THSD4: variants seen among roughly 807,000 people sequenced by gnomAD.
The protein encoded by THSD4 is thrombospondin type 1 domain containing 4.
Under a neutral mutation model 119.0 loss-of-function variants are expected in THSD4, and 69 were observed. The ratio of observed to expected loss-of-function variants is 0.58; its 90% CI spans 0.48 to 0.71. THSD4 has a LOEUF of 0.71. Ranked by LOEUF, THSD4 falls within the 30% of genes least tolerant of loss-of-function variation. THSD4 has a pLI of 0.00. For missense variants in THSD4, 1,393 were observed against 1,391.1 expected, an observed-to-expected ratio of 1.00 and a Z score of -0.02; for synonymous variants, 524 against 540.4, an observed-to-expected ratio of 0.97 and a Z score of 0.42.
At chr15:71,630,805 G>C (rs1441924751) in intron 7 of THSD4, among the ~76,000 whole-genome samples, 2 of 152,198 alleles carry the variant, frequency 1.3e-5, no homozygotes, top group Non-Finnish European at 2.9e-5. Context: ...TTCAACAGCA[G>C]CACTATTCAC....
chr15:71,434,903 G>C (rs955826462), intron 7 of THSD4, among the ~76,000 whole-genome samples: 2 of 152,150 alleles, frequency 1.3e-5, no homozygotes, highest in Admixed American at 1.3e-4. Context: ...GATTCTGAAT[G>C]CAAATCAATA....
intron 6 of THSD4, among the ~76,000 whole-genome samples, chr15:71,407,305 TTTGCTGCTTTTA>T (rs1280218331): frequency 1.3e-5 from 2 of 152,212 alleles, no homozygotes; most frequent in Non-Finnish European, 2.9e-5. Context: ...GCTGCGTAGC[TTTGCTGCTTTTA>T]TTGCTGCTTA....
chr15:71,614,491 C>T (rs2050288654), intron 7 of THSD4, among the ~76,000 whole-genome samples: 1 of 152,180 alleles, frequency 6.6e-6, no homozygotes, highest in Non-Finnish European at 1.5e-5. Context: ...ATTTATCTCA[C>T]CTATCCCCGA....
intron 6 of THSD4, among the ~76,000 whole-genome samples, chr15:71,352,995 C>T (rs10459646): frequency 6.6e-6 from 1 of 152,028 alleles, no homozygotes; most frequent in Non-Finnish European, 1.5e-5. Context: ...GTAGGTGGGA[C>T]GATTGGGAGA....
chr15:71,171,013 A>C (rs2043355821), intron 3 of THSD4, among the ~76,000 whole-genome samples: 1 of 152,156 alleles, frequency 6.6e-6, no homozygotes, highest in Non-Finnish European at 1.5e-5. Context: ...GGAAAAATAG[A>C]ATTTAAAAAA....
intron 7 of THSD4, among the ~76,000 whole-genome samples, chr15:71,497,862 G>C (rs2048050565): frequency 6.6e-6 from 1 of 152,084 alleles, no homozygotes. Context: ...AAAAATAAAT[G>C]GGCTTGATGC....
chr15:71,387,185 C>T (rs1283693718), intron 6 of THSD4, among the ~76,000 whole-genome samples: 1 of 151,092 alleles, frequency 6.6e-6, no homozygotes, highest in African/African-American at 2.5e-5. Flanking sequence ...AAACTACCTG[C>T]TAGGCATAAC....
intron 6 of THSD4, among the ~76,000 whole-genome samples, chr15:71,362,970 T>A (rs1362388948): frequency 7.4e-6 from 1 of 135,018 alleles, no homozygotes; most frequent in Non-Finnish European, 1.6e-5. Context: ...GCTGATGAGC[T>A]AAAAAAAAAA....
chr15:71,654,691 C>A (rs886360100), intron 7 of THSD4, among the ~76,000 whole-genome samples: 4 of 152,296 alleles, frequency 2.6e-5, no homozygotes, highest in Admixed American at 6.5e-5. Context: ...TGCATTTCCA[C>A]GAATTAGCTC....
At chr15:71,302,824 A>G (rs1186568541) in intron 6 of THSD4, among the ~76,000 whole-genome samples, 1 of 151,804 alleles carries the variant, frequency 6.6e-6, no homozygotes, top group Non-Finnish European at 1.5e-5. Context: ...TTCCAACACC[A>G]TGGCCCCCAA....
At chr15:71,247,226 G>GT (rs1378058003) in intron 5 of THSD4, among the ~76,000 whole-genome samples, 3 of 138,188 alleles carry the variant, frequency 2.2e-5, no homozygotes, top group Admixed American at 7.2e-5. Context: ...TATTTTTGTT[G>GT]TTTTTTTGTT....
In THSD4 at chr15:71,390,648, G is replaced by T. The variant is rs190071553; in HGVS notation, c.1016-21039G>T. Among the ~76,000 whole-genome samples the T allele has an allele frequency of 1.4e-3, 216 of 152,206 alleles. 2 individuals carry two copies. Among genetic ancestry groups the T allele is most frequent in the Non-Finnish European group, 2.4e-3 (163 of 67,994 alleles). ...GCATTTGTCAGAGCTCTGCCCTGAG[G>T]AGTAGTTTACCATATTGAGTTACCT... is the stretch of plus-strand genomic sequence containing the variant. On this transcript the variant is annotated intron_variant, in intron 6 of 17. Transcript: ENST00000261862.
intron 3 of THSD4, among the ~76,000 whole-genome samples, chr15:71,176,096 C>T (rs1411187337): frequency 6.9e-6 from 1 of 144,942 alleles, no homozygotes; most frequent in East Asian, 2.1e-4. Flanking sequence ...GCAAAATCAC[C>T]AGCTAACATC....
At chr15:71,510,429 G>A (rs1056524752) in intron 7 of THSD4, among the ~76,000 whole-genome samples, 3 of 152,296 alleles carry the variant, frequency 2.0e-5, no homozygotes, top group African/African-American at 4.8e-5. Flanking sequence ...ATAAATGCAC[G>A]GACATAGAAT....
At chr15:71,435,438 A>G (rs1595764279) in intron 7 of THSD4, among the ~76,000 whole-genome samples, 1 of 152,198 alleles carries the variant, frequency 6.6e-6, no homozygotes, top group South Asian at 2.1e-4. Context: ...ATAGGTACCA[A>G]TAAGATAGTT....
chr15:71,195,646 T>A (rs1364206939), intron 3 of THSD4, among the ~76,000 whole-genome samples: 1 of 152,056 alleles, frequency 6.6e-6, no homozygotes, highest in Admixed American at 6.5e-5. Context: ...ATCCTTCTGG[T>A]ACTGAGGATC....
At chr15:71,323,241 G>C (rs1341143363) in intron 6 of THSD4, among the ~76,000 whole-genome samples, 1 of 152,112 alleles carries the variant, frequency 6.6e-6, no homozygotes, top group African/African-American at 2.4e-5. Flanking sequence ...CCAAAAGCAT[G>C]GATACTAGAA....
Position 71,291,615 on chromosome 15 carries a change from C to T in THSD4, c.1015+34900C>T, listed in dbSNP as rs184688854. ...GATGCCCACCCACCTTGAGGAGGGC[C>T]GTCTGCTTTATTCAGTCTACTGATT... On this transcript the variant is annotated intron_variant, in intron 6 of 17. Transcript: ENST00000261862. Among the ~76,000 whole-genome samples the T allele has an allele frequency of 9.2e-5, 14 of 152,238 alleles. No homozygotes were observed. The East Asian group carries it at 2.3e-3, about 25-fold the overall frequency.
chr15:71,335,784 G>C (rs2045482723), intron 6 of THSD4, among the ~76,000 whole-genome samples: 1 of 152,132 alleles, frequency 6.6e-6, no homozygotes, highest in South Asian at 2.1e-4. Flanking sequence ...TTTTAACAAG[G>C]GGTCAGTAAC....
Sources: gnomAD v4.1 joint callset for allele counts (sites outside exome capture counted in the v4.1 genomes callset) on GRCh38, gnomAD v4.1.1 for gene constraint, MANE v1.5 for transcripts, NCBI Gene and HGNC (gene_info 2026-07-23, HGNC 2026-07-21) for gene names.